Variants in DCC observed in about 807,000 individuals in gnomAD.
The protein encoded by DCC is DCC netrin 1 receptor, also known as netrin receptor DCC.
Under a neutral mutation model 172.5 loss-of-function variants are expected in DCC, and 58 were observed. The observed-to-expected ratio is 0.34, with a 90% CI of 0.27 to 0.42. DCC has a LOEUF of 0.42. DCC is among the 10% of genes least tolerant of loss of function. The probability of loss-of-function intolerance (pLI) is 1.00; values close to 1 mark genes in which losing one functional copy is unlikely to be tolerated. For synonymous variants in DCC, 709 were observed against 644.5 expected (o/e 1.10, Z -1.52); for missense variants, 1,740 against 1,791.0 (o/e 0.97, Z 0.51).
chr18:53,445,905 A>G (rs752577752), intron 22 of DCC, among the ~76,000 whole-genome samples: 2 of 151,906 alleles, frequency 1.3e-5, no homozygotes, highest in Non-Finnish European at 2.9e-5. Context: ...TTATGCTAAC[A>G]GCAGAGACAG....
intron 27 of DCC, among the ~76,000 whole-genome samples, chr18:53,501,849 G>A (rs1348849996): frequency 2.0e-5 from 3 of 151,422 alleles, no homozygotes; most frequent in East Asian, 3.9e-4. Flanking sequence ...AAGATTTGAT[G>A]ATAGATGGAG....
intron 1 of DCC, among the ~76,000 whole-genome samples, chr18:52,428,346 A>G (rs1259154216): frequency 6.6e-6 from 1 of 152,136 alleles, no homozygotes; most frequent in Non-Finnish European, 1.5e-5. Flanking sequence ...CCGTTAGTAC[A>G]AGAAAAGTAG....
intron 2 of DCC, among the ~76,000 whole-genome samples, chr18:52,835,970 G>T (rs758613122): frequency 3.9e-5 from 6 of 152,146 alleles, no homozygotes; most frequent in Non-Finnish European, 7.3e-5. Flanking sequence ...AAGGAAAAAG[G>T]TTTAATTGAC....
chr18:52,516,263 T>C (rs1433323294), intron 1 of DCC, among the ~76,000 whole-genome samples: 3 of 152,228 alleles, frequency 2.0e-5, no homozygotes, highest in Non-Finnish European at 1.5e-5. Context: ...TGAAAACTCA[T>C]GTTCACAAAA....
At position 52,798,310 on chromosome 18, in the gene DCC, G is replaced by A. The variant is rs182799447; in HGVS notation, c.412+45936G>A. ...TTTGGAAAACATTTCCTTACTGAGT[G>A]GTAGAAGTAGCAGACTAGTCTTTGG... On this transcript the variant is annotated intron_variant, in intron 2 of 28. Transcript: ENST00000442544. Among the ~76,000 whole-genome samples, 268 of 152,314 alleles carry A rather than the reference G, an allele frequency of 1.8e-3. 1 individual carries two copies. Among genetic ancestry groups the A allele is most frequent in the African/African-American group, 6.0e-3 (251 of 41,572 alleles).
At chr18:53,493,554 C>T (rs774425547) in intron 26 of DCC, among the ~76,000 whole-genome samples, 29 of 152,030 alleles carry the variant, frequency 1.9e-4, no homozygotes, top group Non-Finnish European at 2.8e-4. Flanking sequence ...TTTATTTGCA[C>T]AGAGGTGTTT....
At position 52,602,400 on chromosome 18, in the gene DCC, A is replaced by AGTGT. The variant is rs71175506; in HGVS notation, c.92-149634_92-149631dup. Among the ~76,000 whole-genome samples the AGTGT allele has an allele frequency of 8.5e-3, 1,265 of 148,732 alleles. 27 individuals carry two copies. Among genetic ancestry groups the AGTGT allele is most frequent in the Admixed American group, 0.049 (733 of 14,914 alleles). On this transcript the variant is annotated intron_variant, in intron 1 of 28. Coordinates refer to ENST00000442544, the MANE Select transcript of DCC (RefSeq NM_005215.4). ...TGTGTCTGCTTCCCCTTAGTATCAA[A>AGTGT]GTGTGTGTGTGTGTGTGTGTGTGAT...
At chr18:53,324,999 C>T (rs891457434) in intron 14 of DCC, among the ~76,000 whole-genome samples, 23 of 151,830 alleles carry the variant, frequency 1.5e-4, no homozygotes, top group African/African-American at 3.9e-4. Context: ...TCAAGACCAG[C>T]CTGGCCAACA....
chr18:53,007,959 C>T (rs1355182935), intron 5 of DCC, among the ~76,000 whole-genome samples: 1 of 151,960 alleles, frequency 6.6e-6, no homozygotes, highest in Non-Finnish European at 1.5e-5. Flanking sequence ...CAGAATGAAA[C>T]CATTAAATAA....
chr18:53,397,235 C>G, intron 17 of DCC, 73 bp from the exon 18 acceptor site: 1 of 1,421,488 alleles, frequency 7.0e-7, no homozygotes, highest in Non-Finnish European at 9.9e-7. Flanking sequence ...ATTTAATAGT[C>G]TTTTTATATG....
intron 1 of DCC, among the ~76,000 whole-genome samples, chr18:52,413,997 C>T (rs927899898): frequency 6.6e-6 from 1 of 152,094 alleles, no homozygotes; most frequent in African/African-American, 2.4e-5. Context: ...TATCACACAC[C>T]TTTCATCTCT....
At chr18:53,217,261 A>C (rs2055865829) in intron 12 of DCC, among the ~76,000 whole-genome samples, 1 of 91,796 alleles carries the variant, frequency 1.1e-5, no homozygotes. Context: ...TATATATATT[A>C]TACACACACA....
chr18:52,866,852 C>T (rs1288407421), intron 2 of DCC, among the ~76,000 whole-genome samples: 2 of 152,136 alleles, frequency 1.3e-5, no homozygotes, highest in Admixed American at 6.5e-5. Context: ...TCCTTTCTTC[C>T]TATTTGAATA....
intron 15 of DCC, among the ~76,000 whole-genome samples, chr18:53,351,398 A>AGT (rs1491455204): frequency 7.1e-5 from 1 of 14,078 alleles, no homozygotes; most frequent in African/African-American, 2.3e-4. Context: ...ATATATATAC[A>AGT]GTGTATATAT....
chr18:53,207,285 G>A (rs1007326670), intron 10 of DCC, among the ~76,000 whole-genome samples: 8 of 152,148 alleles, frequency 5.3e-5, no homozygotes, highest in Non-Finnish European at 1.0e-4. Flanking sequence ...GTATATTTCA[G>A]CAAGAGAAGC....
At chr18:52,546,516 G>A (rs977853533) in intron 1 of DCC, among the ~76,000 whole-genome samples, 3 of 152,138 alleles carry the variant, frequency 2.0e-5, no homozygotes, top group African/African-American at 7.2e-5. Context: ...CCTATCAGAA[G>A]GGGACTCATA....
chr18:53,180,321 C>T (rs2055175385), intron 9 of DCC, among the ~76,000 whole-genome samples: 4 of 152,124 alleles, frequency 2.6e-5, no homozygotes, highest in Admixed American at 2.6e-4. Context: ...CAAATATTTG[C>T]CTCACAGAAA....
chr18:52,623,424 C>T (rs2034517284), intron 1 of DCC, among the ~76,000 whole-genome samples: 1 of 152,160 alleles, frequency 6.6e-6, no homozygotes, highest in Non-Finnish European at 1.5e-5. Flanking sequence ...GAGGCAGGAG[C>T]TTGGCATTTG....
At chr18:53,099,893 GTA>G (rs1447649482) in intron 7 of DCC, among the ~76,000 whole-genome samples, 1 of 150,164 alleles carries the variant, frequency 6.7e-6, no homozygotes, top group Non-Finnish European at 1.5e-5. Flanking sequence ...GAAGTTAGAG[GTA>G]TATGAGTTTC....
Sources: gnomAD v4.1 joint callset for allele counts (sites outside exome capture counted in the v4.1 genomes callset) on GRCh38, gnomAD v4.1.1 for gene constraint, MANE v1.5 for transcripts, NCBI Gene and HGNC (gene_info 2026-07-23, HGNC 2026-07-21) for gene names.